The following COPB1 variants were observed in gnomAD, a reference collection of about 807,000 sequenced individuals.
COPB1 encodes the protein coat protein complex I subunit beta 1, also known as coatomer subunit beta.
A neutral mutation model predicts 108.7 loss-of-function variants in COPB1; 21 were observed. The observed-to-expected ratio is 0.19, with a 90% CI of 0.14 to 0.28. The LOEUF is 0.28. COPB1 is among the 10% of genes least tolerant of loss of function. The probability of loss-of-function intolerance (pLI) is 1.00; values close to 1 mark genes in which losing one functional copy is unlikely to be tolerated. For synonymous variants in COPB1, 378 were observed against 386.8 expected (o/e 0.98, Z 0.27); for missense variants, 919 against 1,141.3 (o/e 0.81, Z 2.81).
At chr11:14,479,045 AAATATT>A (rs1850597563) in intron 11 of COPB1, 1 of 151,502 alleles carries the variant, frequency 6.6e-6, no homozygotes, top group East Asian at 1.9e-4. Context: ...TCACTTCCAT[AAATATT>A]AATATATTTT....
In COPB1 at chr11:14,460,275, A is replaced by G; in HGVS notation, c.2579T>C (p.Val860Ala). Reference sequence around the variant, plus strand: ...GTGCTGTAAGTAGTCATTTAAATCAACCATGTTGGTGTTAACTGTCACCTG... The same window carrying G: ...GTGCTGTAAGTAGTCATTTAAATCAGCCATGTTGGTGTTAACTGTCACCTG... ...ENKVTVNTNM[V>A]DLNDYLQHIL... The change falls in exon 20 of 22, where the codon GTT becomes GCT. Residue 860 changes from valine to alanine, a missense_variant. Physicochemically the swap from Val to Ala is moderately conservative, Grantham distance 64. Around this residue, in one of 5 missense-constraint regions of COPB1, gnomAD observed 705 missense variants for 817.8 expected, o/e 0.86. Coordinates refer to ENST00000439561, the MANE Select transcript of COPB1 (RefSeq NM_001144061.2). 6.2e-7 allele frequency: 1 copy of G among 1,610,620 alleles called. No homozygotes were observed. Among genetic ancestry groups the G allele is most frequent in the Non-Finnish European group, 8.5e-7 (1 of 1,177,946 alleles).
At chr11:14,489,914 A>G (rs751178039) in intron 5 of COPB1, among the ~76,000 whole-genome samples, 1 of 152,230 alleles carries the variant, frequency 6.6e-6, no homozygotes, top group Admixed American at 6.5e-5. Context: ...ACTGGGGGAC[A>G]ATCCATTAAA....
At chr11:14,480,729 T>A (rs1850642998) in intron 10 of COPB1, 30 bp downstream of exon 10, 1 of 1,580,994 alleles carries the variant, frequency 6.3e-7, no homozygotes, top group Non-Finnish European at 8.6e-7. Context: ...TTTAGATAAT[T>A]TCAAAATTAA....
chr11:14,490,234 C>T (rs1413913578), intron 5 of COPB1, among the ~76,000 whole-genome samples: 1 of 152,108 alleles, frequency 6.6e-6, no homozygotes, highest in East Asian at 1.9e-4. Flanking sequence ...TGTATCTATG[C>T]AAAGCTACTA....
intron 2 of COPB1, among the ~76,000 whole-genome samples, chr11:14,498,341 G>A (rs1053390444): frequency 6.6e-6 from 1 of 152,114 alleles, no homozygotes; most frequent in Non-Finnish European, 1.5e-5. Context: ...CAGAAATATA[G>A]TTGTTTTCTT....
intron 14 of COPB1, among the ~76,000 whole-genome samples, chr11:14,472,980 C>CT (rs920187479): frequency 3.3e-5 from 5 of 151,924 alleles, no homozygotes; most frequent in South Asian, 2.1e-4. Context: ...CTTTCTTCTT[C>CT]TTTTTTTTCC....
At chr11:14,475,251 C>A (rs1171486844) in intron 13 of COPB1, among the ~76,000 whole-genome samples, 1 of 152,068 alleles carries the variant, frequency 6.6e-6, no homozygotes, top group Non-Finnish European at 1.5e-5. Flanking sequence ...ACTGGGTAAG[C>A]CTCAAATTCT....
chr11:14,483,861 G>T (rs1850713703), intron 7 of COPB1, among the ~76,000 whole-genome samples: 1 of 152,192 alleles, frequency 6.6e-6, no homozygotes, highest in South Asian at 2.1e-4. Flanking sequence ...AAATAAGTAG[G>T]TGTGAATTTG....
chr11:14,477,494 C>T (rs1175479431), intron 11 of COPB1, among the ~76,000 whole-genome samples: 1 of 151,578 alleles, frequency 6.6e-6, no homozygotes, highest in African/African-American at 2.4e-5. Flanking sequence ...GAGCTCAAAA[C>T]CAGCCTGGGC....
intron 8 of COPB1, among the ~76,000 whole-genome samples, chr11:14,481,522 C>T (rs1850658448): frequency 6.6e-6 from 1 of 152,124 alleles, no homozygotes; most frequent in African/African-American, 2.4e-5. Flanking sequence ...GGCATAACCA[C>T]CAAATACGAT....
In COPB1 at chr11:14,469,376, A is replaced by T. The variant is rs1401822329; in HGVS notation, c.1925T>A (p.Met642Lys). 5 of 1,614,168 alleles carry T rather than the reference A, an allele frequency of 3.1e-6. No homozygotes were observed. In the South Asian group the frequency reaches 5.5e-5, roughly 18 times the overall value. Reference protein sequence around the residue: ...NKECRQSLSHMLSAKLEEEKL... With the variant: ...NKECRQSLSHKLSAKLEEEKL... ...CTCTTCTTCTAGTTTAGCAGATAAC[A>T]TGTGAGAAAGGGACTGTCTGCATTC... The change falls in exon 15 of 22, where the codon ATG becomes AAG. Residue 642 changes from methionine to lysine, a missense_variant. Transcript: ENST00000439561.
chr11:14,482,728 G>A (rs1850687605), intron 8 of COPB1, among the ~76,000 whole-genome samples: 1 of 152,062 alleles, frequency 6.6e-6, no homozygotes, highest in African/African-American at 2.4e-5. Context: ...TATAGACAGG[G>A]TTTTACCATG....
intron 6 of COPB1, among the ~76,000 whole-genome samples, chr11:14,487,702 A>C (rs553821764): frequency 4.2e-4 from 63 of 151,526 alleles, no homozygotes; most frequent in South Asian, 1.5e-3. Flanking sequence ...CAAAAAAAAA[A>C]CAAAAAAAAA....
rs1351521179 is a variant in COPB1, at chr11:14,491,264, T to C, written c.492-585A>G. Among the ~76,000 whole-genome samples the C allele has an allele frequency of 2.0e-5, 3 of 152,274 alleles. No individual in the cohort carries two copies. The East Asian group carries it at 5.8e-4, about 29-fold the overall frequency. Reference sequence around the variant, plus strand: ...CATTTTGCCACGTTGGCCAGGCTTGTCTCATATTCCTGACCTCGAGTGATC... The same window carrying C: ...CATTTTGCCACGTTGGCCAGGCTTGCCTCATATTCCTGACCTCGAGTGATC... On this transcript the variant is annotated intron_variant, in intron 4 of 21. Coordinates refer to ENST00000439561, the MANE Select transcript of COPB1 (RefSeq NM_001144061.2).
In COPB1 at chr11:14,475,823, G is replaced by A. The variant is rs1372159959; in HGVS notation, c.1578C>T (p.Ala526=). ...TCTTGGTGGGTCTAGAACTGCTAAG[G>A]GCACTCTGAGTTGCATAGGTACCCA... The part of the protein sequence containing the change: ...TEMGTYATQS[A]LSSSRPTKKE... The change falls in exon 13 of 22, where the codon GCC becomes GCT. Residue 526 remains alanine, a synonymous_variant. Transcript: ENST00000439561. The A allele has an allele frequency of 6.2e-7, 1 of 1,611,924 alleles. No homozygotes were observed. Among genetic ancestry groups the A allele is most frequent in the South Asian group, 1.1e-5 (1 of 90,810 alleles).
At chr11:14,486,230 C>T in intron 7 of COPB1, 137 bp downstream of exon 7, 1 of 970,194 alleles carries the variant, frequency 1.0e-6, no homozygotes, top group Non-Finnish European at 1.6e-6. Context: ...CAATGTAAGG[C>T]ATCAAATAAT....
chr11:14,474,870 C>A (rs559237658), intron 13 of COPB1, among the ~76,000 whole-genome samples: 3 of 151,956 alleles, frequency 2.0e-5, no homozygotes, highest in South Asian at 2.1e-4. Context: ...CCAAGGCGGG[C>A]GGATTACCTG....
At chr11:14,465,392 GCATGAT>G (rs2134096950) in intron 17 of COPB1, among the ~76,000 whole-genome samples, 1 of 152,238 alleles carries the variant, frequency 6.6e-6, no homozygotes, top group Admixed American at 6.5e-5. Context: ...GAGTGCAACT[GCATGAT>G]CATAGCTCAC....
At chr11:14,492,585 G>A (rs910308509) in intron 4 of COPB1, among the ~76,000 whole-genome samples, 15 of 151,222 alleles carry the variant, frequency 9.9e-5, no homozygotes, top group Non-Finnish European at 2.1e-4. Flanking sequence ...TCAGGTTATC[G>A]GCCCGCCTCG....
Sources: gnomAD v4.1 joint callset for allele counts (sites outside exome capture counted in the v4.1 genomes callset) on GRCh38, gnomAD v4.1.1 for gene constraint, gnomAD v4.1.1 regional missense constraint, MANE v1.5 for transcripts, NCBI Gene and HGNC (gene_info 2026-07-23, HGNC 2026-07-21) for gene names.